RCL1: variants seen among roughly 807,000 people sequenced by gnomAD.
RCL1 encodes RNA terminal phosphate cyclase like 1, also known as RNA 3'-terminal phosphate cyclase-like protein.
A neutral mutation model predicts 42.4 loss-of-function variants in RCL1; 24 were observed. That is an observed-to-expected ratio of 0.57 (90% CI 0.41 to 0.80). The LOEUF (loss-of-function observed/expected upper bound fraction) is 0.80, where lower values mean the gene tolerates loss of function less well. Among genes scored for constraint, RCL1 ranks in the 30% least tolerant of loss-of-function variants. The pLI is 0.00. For missense variants in RCL1, 578 were observed against 467.9 expected, an observed-to-expected ratio of 1.24 and a Z score of -2.17; for synonymous variants, 228 against 177.3, an observed-to-expected ratio of 1.29 and a Z score of -2.27.
rs1318316069 is a variant in RCL1 at position 4,845,401 on chromosome 9, G to T, written c.867+720G>T. 2.0e-5 allele frequency among the ~76,000 whole-genome samples: 3 copies of T among 152,212 alleles called. No individual in the cohort carries two copies. The East Asian group carries it at 5.8e-4, about 29-fold the overall frequency. On this transcript the variant is annotated intron_variant, in intron 7 of 8. Coordinates refer to ENST00000381750, the MANE Select transcript of RCL1 (RefSeq NM_005772.5). Reference sequence around the variant, plus strand: ...CAGCTGAGACCAATTTGCCCTCTCAGTTGCCACAGTCTTTCTCTGTTGATC... The same window carrying T: ...CAGCTGAGACCAATTTGCCCTCTCATTTGCCACAGTCTTTCTCTGTTGATC...
chr9:4,844,790 T>TA, intron 7 of RCL1, 109 bp downstream of exon 7: 1 of 1,125,126 alleles, frequency 8.9e-7, no homozygotes, highest in Non-Finnish European at 1.3e-6. Context: ...GCCAAGGAGA[T>TA]AATCTGTTCC....
chr9:4,860,253 A>G lies in RCL1; in HGVS notation c.1100A>G (p.Asn367Ser), dbSNP rs974220057. The change falls in exon 9 of 9, where the codon AAC becomes AGC. Residue 367 changes from asparagine to serine, a missense_variant. Transcript: ENST00000381750. ...ACCTGTGTTGGCATTGGTTTCTCCA[A>G]CCTTAGCAAGACCCTCAAGTGATAA... is the stretch of plus-strand genomic sequence containing the variant. Reference protein sequence around the residue: ...LMTCVGIGFSNLSKTLK With the variant: ...LMTCVGIGFSSLSKTLK 11 of 1,613,496 alleles carry G rather than the reference A, an allele frequency of 6.8e-6. No homozygotes were observed. The highest frequency in any genetic ancestry group is 4.0e-5 in the African/African-American group (3 of 74,888).
chr9:4,834,881 A>G (rs1047226265), intron 5 of RCL1, among the ~76,000 whole-genome samples: 1 of 152,226 alleles, frequency 6.6e-6, no homozygotes, highest in Non-Finnish European at 1.5e-5. Flanking sequence ...AGCTTAAGGA[A>G]TTTCTTAATA....
At chr9:4,811,354 A>G (rs949630350) in intron 1 of RCL1, among the ~76,000 whole-genome samples, 2 of 152,104 alleles carry the variant, frequency 1.3e-5, no homozygotes, top group Non-Finnish European at 2.9e-5. Context: ...GTGCTATAGA[A>G]CATTAGAACT....
chr9:4,809,305 C>CT (rs1054704795), intron 1 of RCL1, among the ~76,000 whole-genome samples: 5 of 148,866 alleles, frequency 3.4e-5, no homozygotes, highest in Non-Finnish European at 4.5e-5. Flanking sequence ...CTAGAGACTC[C>CT]TTTTTTTTTT....
At position 4,821,734 on chromosome 9, in the gene RCL1, C is replaced by T. The variant is rs1454830920; in HGVS notation, c.137-1814C>T. Among the ~76,000 whole-genome samples, 3 of 152,178 alleles carry T rather than the reference C, an allele frequency of 2.0e-5. No homozygotes were observed. The East Asian group carries it at 5.8e-4, about 29-fold the overall frequency. ...GTCACAGGTGATCCTCCCACCTCAG[C>T]CTCCTGAGTGGCTGGGACTACAGAT... On this transcript the variant is annotated intron_variant, in intron 1 of 8. Coordinates refer to ENST00000381750, the MANE Select transcript of RCL1 (RefSeq NM_005772.5).
chr9:4,836,262 A>G (rs1411741078), intron 5 of RCL1, among the ~76,000 whole-genome samples: 3 of 152,120 alleles, frequency 2.0e-5, no homozygotes, highest in Admixed American at 2.0e-4. Flanking sequence ...ATTTCATCCA[A>G]GGTTGGATGC....
At chr9:4,813,708 A>C (rs1349640328) in intron 1 of RCL1, among the ~76,000 whole-genome samples, 1 of 152,242 alleles carries the variant, frequency 6.6e-6, no homozygotes, top group African/African-American at 2.4e-5. Context: ...AAAGGATTAT[A>C]AATCATGCTG....
intron 7 of RCL1, among the ~76,000 whole-genome samples, chr9:4,848,455 C>T (rs1380205474): frequency 6.6e-6 from 1 of 152,154 alleles, no homozygotes; most frequent in Non-Finnish European, 1.5e-5. Flanking sequence ...AAAAAGGAGG[C>T]AGGGGCAGTT....
chr9:4,819,155 A>C (rs1449628486), intron 1 of RCL1, among the ~76,000 whole-genome samples: 2 of 152,256 alleles, frequency 1.3e-5, no homozygotes, highest in Non-Finnish European at 2.9e-5. Flanking sequence ...AGGGGTCCTC[A>C]ACCCCAGACA....
chr9:4,830,719 G>GT (rs1423179732), intron 3 of RCL1, among the ~76,000 whole-genome samples: 14 of 152,326 alleles, frequency 9.2e-5, no homozygotes, highest in African/African-American at 3.1e-4. Flanking sequence ...ATCCATATCT[G>GT]TTTAATTCTT....
intron 1 of RCL1, among the ~76,000 whole-genome samples, chr9:4,822,442 C>T (rs146605639): frequency 1.6e-3 from 240 of 152,244 alleles, no homozygotes; most frequent in African/African-American, 5.4e-3. Context: ...TTCACTTCTC[C>T]TCCCATAATC....
At chr9:4,835,045 A>C (rs566661812) in intron 5 of RCL1, among the ~76,000 whole-genome samples, 2 of 152,380 alleles carry the variant, frequency 1.3e-5, no homozygotes, top group East Asian at 3.9e-4. Context: ...GGCTTCAGGC[A>C]GAAAAGTGGG....
intron 1 of RCL1, among the ~76,000 whole-genome samples, chr9:4,816,016 A>G (rs1302591445): frequency 1.3e-5 from 2 of 151,640 alleles, no homozygotes. Context: ...CTTCTGATGC[A>G]CTCTGGCACC....
intron 1 of RCL1, among the ~76,000 whole-genome samples, chr9:4,810,029 C>G (rs568341964): frequency 9.5e-4 from 145 of 152,256 alleles, no homozygotes; most frequent in African/African-American, 3.2e-3. Flanking sequence ...GTTGGCCAGG[C>G]TGGTCTCGAA....
intron 5 of RCL1, among the ~76,000 whole-genome samples, chr9:4,836,956 T>C (rs1235692234): frequency 6.6e-6 from 1 of 152,142 alleles, no homozygotes; most frequent in African/African-American, 2.4e-5. Context: ...CCCCAGCCCA[T>C]GTAAGCGCCC....
chr9:4,841,128 T>A lies in RCL1; in HGVS notation c.585-104T>A, dbSNP rs369571389. On this transcript the variant is annotated intron_variant, in intron 5 of 8. Transcript: ENST00000381750. ...AGTTGGAAAACAATAGATTTGGAAG[T>A]CCCAGTTTGTTACTACAGTTCCACA... is the stretch of plus-strand genomic sequence containing the variant. The A allele has an allele frequency of 8.6e-5, 102 of 1,192,606 alleles. No homozygotes were observed. In the East Asian group the frequency reaches 2.3e-3, roughly 27 times the overall value. The allele number at this position is 1,192,606 out of a possible 1,614,324, so 73.9% of individuals were successfully genotyped here.
At chr9:4,819,639 T>C (rs1174863239) in intron 1 of RCL1, among the ~76,000 whole-genome samples, 2 of 152,080 alleles carry the variant, frequency 1.3e-5, no homozygotes, top group African/African-American at 4.8e-5. Context: ...AAACCCCATC[T>C]CTACTGAAAA....
chr9:4,812,618 T>C (rs1816219262), intron 1 of RCL1, among the ~76,000 whole-genome samples: 1 of 152,150 alleles, frequency 6.6e-6, no homozygotes, highest in South Asian at 2.1e-4. Context: ...GCTTTGGCTG[T>C]TAAAGGTCTT....
Sources: gnomAD v4.1 joint callset for allele counts (sites outside exome capture counted in the v4.1 genomes callset) on GRCh38, gnomAD v4.1.1 for gene constraint, MANE v1.5 for transcripts, NCBI Gene and HGNC (gene_info 2026-07-23, HGNC 2026-07-21) for gene names.